The following SLC16A9 variants were observed in gnomAD, a reference collection of about 807,000 sequenced individuals.
The protein encoded by SLC16A9 is solute carrier family 16 member 9.
Under a neutral mutation model 44.3 loss-of-function variants are expected in SLC16A9, and 26 were observed. The observed-to-expected ratio is 0.59, with a 90% CI of 0.43 to 0.81. The LOEUF (loss-of-function observed/expected upper bound fraction) is 0.81, where lower values mean the gene tolerates loss of function less well. Among genes scored for constraint, SLC16A9 ranks in the 40% least tolerant of loss-of-function variants. The pLI is 0.00. For missense variants in SLC16A9, 559 were observed against 595.8 expected, an observed-to-expected ratio of 0.94 and a Z score of 0.64; for synonymous variants, 230 against 225.1, an observed-to-expected ratio of 1.02 and a Z score of -0.19.
At chr10:59,673,920 A>G (rs1196134496) in intron 2 of SLC16A9, among the ~76,000 whole-genome samples, 1 of 152,264 alleles carries the variant, frequency 6.6e-6, no homozygotes, top group East Asian at 1.9e-4. Flanking sequence ...AAGACACCCA[A>G]CATAAAAAGT....
chr10:59,659,304 A>C (rs1396323080), intron 4 of SLC16A9, among the ~76,000 whole-genome samples: 1 of 152,162 alleles, frequency 6.6e-6, no homozygotes, highest in Non-Finnish European at 1.5e-5. Flanking sequence ...CCACACTACA[A>C]GGAGGTGGAG....
intron 1 of SLC16A9, among the ~76,000 whole-genome samples, chr10:59,696,128 TTG>T (rs1324275076): frequency 3.9e-5 from 6 of 152,018 alleles, no homozygotes; most frequent in African/African-American, 1.5e-4. Flanking sequence ...TCTCCCTCTC[TTG>T]CCACGGTCTC....
chr10:59,685,887 G>A (rs935314745), intron 1 of SLC16A9, among the ~76,000 whole-genome samples: 2 of 152,096 alleles, frequency 1.3e-5, no homozygotes, highest in Non-Finnish European at 2.9e-5. Context: ...TTGTCTCCAG[G>A]ATTTTGAATG....
intron 4 of SLC16A9, among the ~76,000 whole-genome samples, chr10:59,663,605 T>C (rs1382510269): frequency 1.3e-5 from 2 of 150,854 alleles, no homozygotes. Flanking sequence ...CCAGGGCCTG[T>C]TGGGGGGTGG....
intron 3 of SLC16A9, among the ~76,000 whole-genome samples, chr10:59,667,526 G>A (rs189131613): frequency 6.6e-5 from 10 of 152,244 alleles, no homozygotes; most frequent in East Asian, 3.9e-4. Flanking sequence ...TACTGGATTC[G>A]TTATCTTGAA....
rs193146453 is a variant in SLC16A9 at position 59,676,584 on chromosome 10, A to C, written c.197-3671T>G. ...TTTTAGGGAAAAAAGGGGGGGAAAA[A>C]GGGGCAAGGGTTCCTAATGTTTTAT... is the stretch of plus-strand genomic sequence containing the variant. On this transcript the variant is annotated intron_variant, in intron 2 of 5. Coordinates refer to ENST00000395348, the MANE Select transcript of SLC16A9 (RefSeq NM_194298.3). Among the ~76,000 whole-genome samples, 47 of 152,270 alleles carry C rather than the reference A, an allele frequency of 3.1e-4. 1 individual carries two copies. The East Asian group carries it at 8.7e-3, about 28-fold the overall frequency.
intron 2 of SLC16A9, among the ~76,000 whole-genome samples, chr10:59,680,315 T>A (rs1162776229): frequency 6.6e-6 from 1 of 152,218 alleles, no homozygotes; most frequent in Non-Finnish European, 1.5e-5. Flanking sequence ...AGTTGTAATA[T>A]GCTATTATGA....
In SLC16A9 at chr10:59,654,330, G is replaced by A. The variant is rs1588958507; in HGVS notation, c.696C>T (p.Tyr232=). The A allele has an allele frequency of 1.9e-6, 3 of 1,614,088 alleles. No homozygotes were observed. The highest frequency in any genetic ancestry group is 1.1e-5 in the South Asian group (1 of 91,086). The change falls in exon 5 of 6, where the codon TAC becomes TAT. Residue 232 remains tyrosine, a synonymous_variant. Coordinates refer to ENST00000395348, the MANE Select transcript of SLC16A9 (RefSeq NM_194298.3). ...EENINILDKS[Y]SSEEKCRITL... ...TGATCCTGCATTTTTCCTCACTACT[G>A]TAGCTCTTGTCAAGAATGTTTATGT... is the stretch of plus-strand genomic sequence containing the variant.
chr10:59,701,144 G>T (rs1840514247), intron 1 of SLC16A9, among the ~76,000 whole-genome samples: 2 of 152,104 alleles, frequency 1.3e-5, no homozygotes, highest in Non-Finnish European at 2.9e-5. Flanking sequence ...ACTTCCATTT[G>T]CCCAAGCACA....
At chr10:59,676,054 G>A (rs1032705140) in intron 2 of SLC16A9, among the ~76,000 whole-genome samples, 2 of 152,226 alleles carry the variant, frequency 1.3e-5, no homozygotes, top group Admixed American at 1.3e-4. Flanking sequence ...GATCAAGTCT[G>A]ATGCAGACCT....
chr10:59,705,607 C>T (rs570441985), intron 1 of SLC16A9, among the ~76,000 whole-genome samples: 14 of 152,186 alleles, frequency 9.2e-5, no homozygotes, highest in South Asian at 6.2e-4. Flanking sequence ...GTTTTTCTAT[C>T]GGAAGTTTTA....
chr10:59,701,787 C>T (rs1840529178), intron 1 of SLC16A9, among the ~76,000 whole-genome samples: 1 of 152,186 alleles, frequency 6.6e-6, no homozygotes, highest in South Asian at 2.1e-4. Context: ...AGCTTTGACT[C>T]TTCAGTTCCT....
At chr10:59,657,790 T>A (rs1839382548) in intron 4 of SLC16A9, among the ~76,000 whole-genome samples, 1 of 152,124 alleles carries the variant, frequency 6.6e-6, no homozygotes, top group Non-Finnish European at 1.5e-5. Flanking sequence ...AATAACCCAA[T>A]GTGATGGGTA....
intron 1 of SLC16A9, among the ~76,000 whole-genome samples, chr10:59,707,205 GAGAGAGAGAGA>G (rs1427048938): frequency 6.8e-6 from 1 of 145,990 alleles, no homozygotes; most frequent in Non-Finnish European, 1.5e-5. Context: ...TGAGAAGAAA[GAGAGAGAGAGA>G]AGAGAGAGAA....
chr10:59,693,912 C>A (rs1840309226), intron 1 of SLC16A9, among the ~76,000 whole-genome samples: 1 of 137,300 alleles, frequency 7.3e-6, no homozygotes, highest in South Asian at 2.3e-4. Context: ...CCACTGCACC[C>A]GGCCTTTTAA....
intron 3 of SLC16A9, among the ~76,000 whole-genome samples, chr10:59,665,690 A>C (rs991662074): frequency 6.6e-6 from 1 of 152,202 alleles, no homozygotes; most frequent in African/African-American, 2.4e-5. Flanking sequence ...AAAAAGTGTC[A>C]CCCTTAACTA....
chr10:59,678,540 C>CTTTTTTT (rs1426559419), intron 2 of SLC16A9, among the ~76,000 whole-genome samples: 27 of 22,326 alleles, frequency 1.2e-3, no homozygotes, highest in African/African-American at 2.6e-3. Flanking sequence ...TTTTCTTTTT[C>CTTTTTTT]TTTTTCTTTT....
At chr10:59,685,031 G>A (rs939284404) in intron 1 of SLC16A9, among the ~76,000 whole-genome samples, 1 of 152,196 alleles carries the variant, frequency 6.6e-6, no homozygotes, top group Non-Finnish European at 1.5e-5. Flanking sequence ...GGAACTGGCA[G>A]CACATCACAA....
chr10:59,678,552 T>TTTTTTTTTTTTTTTTTTTTTA, intron 2 of SLC16A9, among the ~76,000 whole-genome samples: 1 of 54,804 alleles, frequency 1.8e-5, no homozygotes, highest in Non-Finnish European at 4.4e-5. Flanking sequence ...TTTTCTTTTT[T>TTTTTTTTTTTTTTTTTTTTTA]TTGAGACGGA....
Sources: allele counts gnomAD v4.1 joint callset (sites outside exome capture counted in the v4.1 genomes callset), GRCh38; gene constraint gnomAD v4.1.1; transcripts MANE v1.5; gene names NCBI Gene and HGNC (gene_info 2026-07-23, HGNC 2026-07-21).